TEAD4: variants seen among roughly 807,000 people sequenced by gnomAD.
TEAD4 encodes the protein transcriptional enhancer factor TEF-3.
TEAD4 carries 36 observed loss-of-function variants against 52.4 expected under a neutral mutation model. That is an observed-to-expected ratio of 0.69 (90% CI 0.53 to 0.91). TEAD4 has a LOEUF of 0.91. Ranked by LOEUF, TEAD4 falls within the 40% of genes least tolerant of loss-of-function variation. The pLI, the probability that TEAD4 is intolerant of heterozygous loss-of-function variation, is 0.00. For missense variants in TEAD4, 508 were observed against 583.9 expected, an observed-to-expected ratio of 0.87 and a Z score of 1.34; for synonymous variants, 220 against 231.0, an observed-to-expected ratio of 0.95 and a Z score of 0.43.
intron 2 of TEAD4, among the ~76,000 whole-genome samples, chr12:2,981,746 C>G (rs61916424): frequency 0.15 from 22,718 of 152,022 alleles, 1,864 homozygotes; most frequent in African/African-American, 0.21. Flanking sequence ...TATGAACAGA[C>G]TTGGGGCTCA....
chr12:2,979,320 A>G (rs538784580), intron 2 of TEAD4, among the ~76,000 whole-genome samples: 15 of 152,148 alleles, frequency 9.9e-5, no homozygotes, highest in Non-Finnish European at 1.9e-4. Flanking sequence ...CCTTTTGACT[A>G]TCCTGGTGCC....
At chr12:2,985,716 G>A (rs1410020654) in intron 2 of TEAD4, among the ~76,000 whole-genome samples, 1 of 151,830 alleles carries the variant, frequency 6.6e-6, no homozygotes, top group Non-Finnish European at 1.5e-5. Flanking sequence ...ATATTGGCCA[G>A]GGTGGCCTCG....
In TEAD4 at chr12:3,012,333, T is replaced by C. The variant is rs890482082; in HGVS notation, c.354+101T>C. 19 of 1,307,808 alleles carry C rather than the reference T, an allele frequency of 1.5e-5. No individual in the cohort carries two copies. In the African/African-American group the frequency reaches 2.0e-4, roughly 14 times the overall value. 81.0% of individuals were successfully genotyped at this position (1,307,808 alleles called of 1,614,324 possible). A position where few individuals can be genotyped will look rare whatever the true frequency, so the allele number is the denominator to read the frequency against. Reference sequence around the variant, plus strand: ...GCATCACTGCTGGTGTGCAAGTCAGTGTGCTTTTCTCTCTGTTGAGGAGAG... The same window carrying C: ...GCATCACTGCTGGTGTGCAAGTCAGCGTGCTTTTCTCTCTGTTGAGGAGAG... On this transcript the variant is annotated intron_variant, in intron 5 of 12. Transcript: ENST00000359864.
intron 9 of TEAD4, among the ~76,000 whole-genome samples, chr12:3,021,307 CTT>C (rs371527718): frequency 9.0e-5 from 12 of 133,162 alleles, no homozygotes; most frequent in African/African-American, 2.8e-4. Context: ...CTTCAAACTT[CTT>C]TTTTTTTTTT....
At chr12:2,992,697 T>C (rs909788201) in intron 2 of TEAD4, among the ~76,000 whole-genome samples, 3 of 151,856 alleles carry the variant, frequency 2.0e-5, no homozygotes, top group African/African-American at 7.3e-5. Context: ...GGGCAATGTG[T>C]GTGACGCGGT....
intron 2 of TEAD4, among the ~76,000 whole-genome samples, chr12:2,967,229 G>A (rs903944584): frequency 1.9e-4 from 29 of 151,964 alleles, no homozygotes; most frequent in African/African-American, 7.0e-4. Context: ...GGGTGGGCTG[G>A]TATTTCGGTG....
chr12:3,013,567 C>T (rs1247842478), intron 5 of TEAD4, among the ~76,000 whole-genome samples: 1 of 152,180 alleles, frequency 6.6e-6, no homozygotes. Flanking sequence ...AACCCTGTCT[C>T]TACTAAAAAT....
chr12:3,028,371 C>A (rs1490440522), intron 10 of TEAD4, among the ~76,000 whole-genome samples: 2 of 152,212 alleles, frequency 1.3e-5, no homozygotes, highest in African/African-American at 4.8e-5. Context: ...TTCTGAGGCA[C>A]TCCCAAGAGT....
At chr12:2,967,575 A>G (rs1446965108) in intron 2 of TEAD4, among the ~76,000 whole-genome samples, 1 of 152,214 alleles carries the variant, frequency 6.6e-6, no homozygotes, top group Non-Finnish European at 1.5e-5. Flanking sequence ...AGCATCAATT[A>G]TGTAAGTCTA....
chr12:2,992,702 C>T (rs750362730), intron 2 of TEAD4, among the ~76,000 whole-genome samples: 7 of 151,872 alleles, frequency 4.6e-5, no homozygotes, highest in East Asian at 3.9e-4. Flanking sequence ...ATGTGTGTGA[C>T]GCGGTGAGGT....
rs765704362 is a variant in TEAD4, at chr12:3,017,445, G to A, written c.402G>A (p.Ser134=). 32 of 1,614,052 alleles carry A rather than the reference G, an allele frequency of 2.0e-5. No homozygotes were observed. The highest frequency in any genetic ancestry group is 1.7e-4 in the Admixed American group (10 of 60,004). The change falls in exon 6 of 13, where the codon TCG becomes TCA. Residue 134 remains serine, a synonymous_variant. Transcript: ENST00000359864. ...CCCTGCAGAGCATGGCTGCCATGTCGTCTGCACAGATCATCTCCGCCACGG... is the reference window on the plus strand; with the variant it reads ...CCCTGCAGAGCATGGCTGCCATGTCATCTGCACAGATCATCTCCGCCACGG...
At chr12:2,993,838 CT>C (rs1175596841) in intron 2 of TEAD4, among the ~76,000 whole-genome samples, 2 of 152,170 alleles carry the variant, frequency 1.3e-5, no homozygotes, top group African/African-American at 4.8e-5. Context: ...TGTTTTGTAA[CT>C]GGCGTGTTTC....
At chr12:3,006,320 G>GA (rs772106529) in intron 3 of TEAD4, among the ~76,000 whole-genome samples, 2 of 151,880 alleles carry the variant, frequency 1.3e-5, no homozygotes, top group South Asian at 2.1e-4. Flanking sequence ...CCCCAAATTT[G>GA]AAAAAAACCC....
At chr12:2,985,087 C>A (rs996448205) in intron 2 of TEAD4, among the ~76,000 whole-genome samples, 1 of 152,080 alleles carries the variant, frequency 6.6e-6, no homozygotes, top group Non-Finnish European at 1.5e-5. Context: ...TTTTTTGATT[C>A]TTTTATAATA....
chr12:3,019,228 G>T (rs894148279), intron 8 of TEAD4, 58 bp downstream of exon 8: 151 of 1,600,974 alleles, frequency 9.4e-5, no homozygotes, highest in Middle Eastern at 3.4e-4. Context: ...CTGCCTCTGG[G>T]TCCAGGCCCC....
At chr12:2,960,821 C>T (rs2098214657) in intron 2 of TEAD4, among the ~76,000 whole-genome samples, 1 of 152,168 alleles carries the variant, frequency 6.6e-6, no homozygotes, top group Admixed American at 6.5e-5. Context: ...ACTGTTCTTC[C>T]TCCCTACATA....
chr12:3,030,198 G>GT (rs544735075), intron 10 of TEAD4, among the ~76,000 whole-genome samples: 1 of 152,228 alleles, frequency 6.6e-6, no homozygotes, highest in East Asian at 1.9e-4. Context: ...TTGTTGGTGT[G>GT]TTTTTTAATT....
At chr12:3,021,307 C>CTTTTTTTT (rs371527718) in intron 9 of TEAD4, among the ~76,000 whole-genome samples, 1 of 133,184 alleles carries the variant, frequency 7.5e-6, no homozygotes, top group Non-Finnish European at 1.6e-5. Flanking sequence ...CTTCAAACTT[C>CTTTTTTTT]TTTTTTTTTT....
chr12:2,975,807 ACC>A (rs2098229175), intron 2 of TEAD4, among the ~76,000 whole-genome samples: 1 of 151,962 alleles, frequency 6.6e-6, no homozygotes, highest in Non-Finnish European at 1.5e-5. Context: ...GAATAGCATC[ACC>A]GTTCCCCAAA....
Sources: allele counts gnomAD v4.1 joint callset (sites outside exome capture counted in the v4.1 genomes callset), GRCh38; gene constraint gnomAD v4.1.1; transcripts MANE v1.5; gene names NCBI Gene and HGNC (gene_info 2026-07-23, HGNC 2026-07-21).